IRF8: variants seen among roughly 807,000 people sequenced by gnomAD.
IRF8 encodes the protein interferon consensus sequence binding protein 1.
Under a neutral mutation model 48.7 loss-of-function variants are expected in IRF8, and 14 were observed. The ratio of observed to expected loss-of-function variants is 0.29; its 90% confidence interval spans 0.19 to 0.45. The LOEUF (loss-of-function observed/expected upper bound fraction) is 0.45. Among genes scored for constraint, IRF8 ranks in the 20% least tolerant of loss-of-function variants. IRF8 has a pLI of 1.00. For missense variants in IRF8, 493 were observed against 580.7 expected (o/e 0.85, Z 1.55); for synonymous variants, 278 against 227.3 (o/e 1.22, Z -2.01).
rs187523040 is a variant in IRF8 at position 85,912,238 on chromosome 16, G to A, written c.447+580G>A. Among the ~76,000 whole-genome samples the A allele has an allele frequency of 5.4e-4, 82 of 152,326 alleles. 2 individuals carry two copies. The South Asian group carries it at 0.013, about 23-fold the overall frequency. On this transcript the variant is annotated intron_variant, in intron 4 of 8. Coordinates refer to ENST00000268638, the MANE Select transcript of IRF8 (RefSeq NM_002163.4). Reference sequence around the variant, plus strand: ...GGGGCCTCCTTAGGCAAGAATACATGGCTTTTGTATACCCATTTCAGCTAT... The same window carrying A: ...GGGGCCTCCTTAGGCAAGAATACATAGCTTTTGTATACCCATTTCAGCTAT...
intron 5 of IRF8, among the ~76,000 whole-genome samples, chr16:85,913,765 T>C (rs1470577294): frequency 6.6e-6 from 1 of 152,220 alleles, no homozygotes; most frequent in Non-Finnish European, 1.5e-5. Context: ...TGAGCCTCAG[T>C]TTATTCATCC....
At chr16:85,901,777 C>G (rs140148615) in intron 1 of IRF8, among the ~76,000 whole-genome samples, 150 of 152,236 alleles carry the variant, frequency 9.9e-4, no homozygotes, top group African/African-American at 3.5e-3. Context: ...TTCCAGAATG[C>G]GTACTTCTTG....
At chr16:85,914,976 G>A (rs938619539) in intron 6 of IRF8, among the ~76,000 whole-genome samples, 3 of 152,212 alleles carry the variant, frequency 2.0e-5, no homozygotes, top group African/African-American at 7.2e-5. Flanking sequence ...GAGAGACAGT[G>A]AGGGACAGGC....
Position 85,911,603 on chromosome 16 carries a change from A to C in IRF8, c.392A>C (p.Asn131Thr). ...GGCGTGGCAACTGCTGGCTGCGTGA[A>C]TGAAGTTACAGAGATGGAGTGCGGT... ...KLGVATAGCV[N>T]EVTEMECGRS... Residue 131 changes from asparagine (N) to threonine (T), a missense_variant, in exon 4 of 9, where the codon AAT becomes ACT. Asn to Thr is a moderately conservative substitution (Grantham distance 65). This residue lies in a region of IRF8 where 408 missense variants were observed against 449.6 expected (regional missense o/e 0.91). Coordinates refer to ENST00000268638, the MANE Select transcript of IRF8 (RefSeq NM_002163.4). The C allele has an allele frequency of 6.2e-7, 1 of 1,614,116 alleles. No homozygotes were observed. The highest frequency in any genetic ancestry group is 8.5e-7 in the Non-Finnish European group (1 of 1,179,942).
rs531377283 is a variant in IRF8, at chr16:85,920,793, A to G, written c.1105-313A>G. On this transcript the variant is annotated intron_variant, in intron 8 of 8. Transcript: ENST00000268638. ...TTAAATCTAAGCCTCTTCTCCAGAA[A>G]GATTCTACCTGTTCAGTTGCCCGAA... is the stretch of plus-strand genomic sequence containing the variant. 5.3e-5 allele frequency among the ~76,000 whole-genome samples: 8 copies of G among 152,296 alleles called. No homozygotes were observed. The South Asian group carries it at 1.2e-3, about 24-fold the overall frequency.
At chr16:85,901,448 G>A (rs1224482079) in intron 1 of IRF8, among the ~76,000 whole-genome samples, 2 of 152,060 alleles carry the variant, frequency 1.3e-5, no homozygotes, top group African/African-American at 4.8e-5. Flanking sequence ...GCAACATAGC[G>A]AGATCCTGTC....
chr16:85,918,375 T>C, intron 6 of IRF8, 42 bp from the exon 7 acceptor site: 2 of 1,585,280 alleles, frequency 1.3e-6, no homozygotes, highest in Non-Finnish European at 1.7e-6. Flanking sequence ...GGACCCTGTA[T>C]GTCTCCCCGC....
In IRF8 at chr16:85,911,763, C is replaced by G. The variant is rs75641508; in HGVS notation, c.447+105C>G. The G allele has an allele frequency of 8.7e-6, 8 of 920,062 alleles. No homozygotes were observed. The African/African-American group carries it at 1.1e-4, about 13-fold the overall frequency. 57.0% of individuals were successfully genotyped at this position (920,062 alleles called of 1,614,324 possible). A position where few individuals can be genotyped will look rare whatever the true frequency, so the allele number is the denominator to read the frequency against. On this transcript the variant is annotated intron_variant, in intron 4 of 8. Coordinates refer to ENST00000268638, the MANE Select transcript of IRF8 (RefSeq NM_002163.4). ...TGCTGTATGAAGGCAGCCAGACCCT[C>G]GGGCTCGCTGAGGAAGTGGCATCTC... is the stretch of plus-strand genomic sequence containing the variant.
chr16:85,906,270 G>A (rs527847026), intron 2 of IRF8, among the ~76,000 whole-genome samples: 1 of 152,212 alleles, frequency 6.6e-6, no homozygotes, highest in South Asian at 2.1e-4. Flanking sequence ...CTGTCAGCCT[G>A]AGTTGTGCGT....
intron 2 of IRF8, 63 bp from the exon 3 acceptor site, chr16:85,908,927 G>T (rs1905072186): frequency 1.4e-6 from 2 of 1,402,080 alleles, no homozygotes; most frequent in African/African-American, 1.4e-5. Context: ...TCCTGGTCAT[G>T]GTGACGGATA....
At chr16:85,909,217 G>A in intron 3 of IRF8, 44 bp downstream of exon 3, 1 of 1,555,084 alleles carries the variant, frequency 6.4e-7, no homozygotes, top group Non-Finnish European at 8.9e-7. Flanking sequence ...AAGCTGCCCT[G>A]GCCTGTAGCC....
At chr16:85,905,956 A>C (rs1242210769) in intron 2 of IRF8, among the ~76,000 whole-genome samples, 1 of 152,214 alleles carries the variant, frequency 6.6e-6, no homozygotes, top group Non-Finnish European at 1.5e-5. Flanking sequence ...AATTGAAAAA[A>C]CATTGAGCTC....
At position 85,914,502 on chromosome 16, in the gene IRF8, T is replaced by TACG; in HGVS notation, c.587_589dup (p.Asp196dup). On this transcript the variant is annotated inframe_insertion, in exon 6 of 9. Coordinates refer to ENST00000268638, the MANE Select transcript of IRF8 (RefSeq NM_002163.4). ...GCCGCTGGTGACGGGGTACACCACC[T>TACG]ACGACGCGCACCATTCAGGTACGGG... 1 of 1,614,142 alleles carries TACG rather than the reference T, an allele frequency of 6.2e-7. No individual in the cohort carries two copies. The highest frequency in any genetic ancestry group is 8.5e-7 in the Non-Finnish European group (1 of 1,180,014).
intron 1 of IRF8, chr16:85,900,850 T>G (rs1042455823): frequency 6.6e-6 from 1 of 152,248 alleles, no homozygotes; most frequent in African/African-American, 2.4e-5. Flanking sequence ...ATGAATCCAT[T>G]AGGAATCCTG....
intron 6 of IRF8, among the ~76,000 whole-genome samples, chr16:85,916,600 A>G (rs536648942): frequency 6.6e-6 from 1 of 152,300 alleles, no homozygotes; most frequent in South Asian, 2.1e-4. Context: ...TCTCTGAAGC[A>G]CTTAGCTGTT....
At chr16:85,912,978 A>G (rs771211473) in intron 4 of IRF8, among the ~76,000 whole-genome samples, 153 bp from the exon 5 acceptor site, 11 of 152,274 alleles carry the variant, frequency 7.2e-5, no homozygotes, top group Non-Finnish European at 1.3e-4. Context: ...AGGGCCTTTC[A>G]GGTTGCAAAG....
chr16:85,907,709 A>G (rs1164195337), intron 2 of IRF8, among the ~76,000 whole-genome samples: 3 of 152,130 alleles, frequency 2.0e-5, no homozygotes, highest in Non-Finnish European at 4.4e-5. Flanking sequence ...AAATAAAAAT[A>G]AAAAATAAAA....
intron 6 of IRF8, among the ~76,000 whole-genome samples, chr16:85,917,330 A>G (rs1485649448): frequency 6.6e-6 from 1 of 151,840 alleles, no homozygotes; most frequent in East Asian, 1.9e-4. Context: ...AAATGCAGAT[A>G]CCTCCCTGCA....
chr16:85,919,367 C>T (rs1004887453), intron 7 of IRF8, among the ~76,000 whole-genome samples: 1 of 152,202 alleles, frequency 6.6e-6, no homozygotes. Flanking sequence ...CGTCTCCCTT[C>T]TCCACGTCCC....
Sources: gnomAD v4.1 joint callset for allele counts (sites outside exome capture counted in the v4.1 genomes callset) on GRCh38, gnomAD v4.1.1 for gene constraint, gnomAD v4.1.1 regional missense constraint, MANE v1.5 for transcripts, NCBI Gene and HGNC (gene_info 2026-07-23, HGNC 2026-07-21) for gene names.